Variants in CTNNA2 observed in about 807,000 individuals in gnomAD.
The protein encoded by CTNNA2 is catenin alpha 2.
In CTNNA2, 42 loss-of-function variants were observed where a neutral mutation model predicts 101.0. The ratio of observed to expected loss-of-function variants is 0.42; its 90% CI spans 0.32 to 0.54. CTNNA2 has a LOEUF of 0.54. CTNNA2 is among the 20% of genes least tolerant of loss of function. The pLI is 0.14. For synonymous variants in CTNNA2, 450 were observed against 456.4 expected (o/e 0.99, Z 0.18); for missense variants, 871 against 1,223.1 (o/e 0.71, Z 4.29).
intron 2 of CTNNA2, among the ~76,000 whole-genome samples, chr2:79,706,959 G>T (rs17017634): frequency 0.18 from 27,593 of 152,086 alleles, 2,942 homozygotes; most frequent in East Asian, 0.41. Context: ...CACAGAGCTT[G>T]TCAGTCAAAG....
In CTNNA2 at chr2:80,507,225, T is replaced by A. The variant is rs149866076; in HGVS notation, c.1291-37757T>A. 2.4e-3 allele frequency among the ~76,000 whole-genome samples: 363 copies of A among 152,282 alleles called. 2 individuals are homozygous for A. Among genetic ancestry groups the A allele is most frequent in the African/African-American group, 8.3e-3 (345 of 41,550 alleles). On this transcript the variant is annotated intron_variant, in intron 9 of 18. Transcript: ENST00000402739. ...TACGAATTAAATGTGGAAATACATG[T>A]AAAGTACTTAGCAAGCGACGGATGT...
intron 2 of CTNNA2, among the ~76,000 whole-genome samples, chr2:79,742,110 C>A (rs901079740): frequency 3.3e-5 from 5 of 152,154 alleles, no homozygotes; most frequent in South Asian, 4.1e-4. Flanking sequence ...TCTTCCCCCC[C>A]ACAAAACTGA....
intron 2 of CTNNA2, among the ~76,000 whole-genome samples, chr2:79,228,448 A>C (rs1674448881): frequency 6.6e-6 from 1 of 152,116 alleles, no homozygotes; most frequent in South Asian, 2.1e-4. Context: ...TGCCATTCTG[A>C]CTGGTGTAAG....
At chr2:79,745,124 A>G (rs1467236263) in intron 3 of CTNNA2, among the ~76,000 whole-genome samples, 1 of 152,154 alleles carries the variant, frequency 6.6e-6, no homozygotes, top group African/African-American at 2.4e-5. Context: ...TCTGTATAAA[A>G]TATACAACAT....
chr2:79,194,794 G>A (rs942095006), intron 1 of CTNNA2, among the ~76,000 whole-genome samples: 5 of 152,168 alleles, frequency 3.3e-5, no homozygotes, highest in African/African-American at 1.2e-4. Context: ...TCACAAAAAT[G>A]TCTAATTTAC....
intron 3 of CTNNA2, among the ~76,000 whole-genome samples, chr2:79,820,208 G>A (rs565214865): frequency 2.6e-4 from 39 of 152,138 alleles, no homozygotes; most frequent in African/African-American, 8.4e-4. Flanking sequence ...ATCAATGGCC[G>A]TTTTATTGTA....
rs80225771 is a variant in CTNNA2 at position 80,091,292 on chromosome 2, C to A, written c.1056+181495C>A. ...CATTACTATTCGACTTGTTTTCTAG[C>A]CTTCTTTGAAGGTTTAAGGGCCATT... On this transcript the variant is annotated intron_variant, in intron 7 of 18. Transcript: ENST00000402739. 3.2e-3 allele frequency among the ~76,000 whole-genome samples: 494 copies of A among 152,130 alleles called. 4 individuals are homozygous for A. The highest frequency in any genetic ancestry group is 0.011 in the African/African-American group (461 of 41,524).
chr2:80,601,960 T>C (rs1196091478), intron 15 of CTNNA2: 1 of 152,160 alleles, frequency 6.6e-6, no homozygotes. Context: ...TACTAAATTA[T>C]GATTCAGGAC....
chr2:80,529,438 A>C (rs1050676061), intron 9 of CTNNA2, among the ~76,000 whole-genome samples: 6 of 152,184 alleles, frequency 3.9e-5, no homozygotes, highest in Non-Finnish European at 8.8e-5. Flanking sequence ...TGAAAGTTAA[A>C]TTTTCTGTCT....
intron 3 of CTNNA2, among the ~76,000 whole-genome samples, chr2:79,815,179 T>C (rs1677388904): frequency 6.6e-6 from 1 of 152,194 alleles, no homozygotes; most frequent in Non-Finnish European, 1.5e-5. Context: ...TCGTTCTTTG[T>C]CAGATGTATA....
At chr2:79,570,487 A>C (rs1350683683) in intron 1 of CTNNA2, among the ~76,000 whole-genome samples, 5 of 152,178 alleles carry the variant, frequency 3.3e-5, no homozygotes. Flanking sequence ...AGATAAGGGA[A>C]TTAAGAATCT....
At chr2:80,557,755 T>C (rs1693171897) in intron 12 of CTNNA2, among the ~76,000 whole-genome samples, 1 of 152,212 alleles carries the variant, frequency 6.6e-6, no homozygotes, top group African/African-American at 2.4e-5. Flanking sequence ...TAGGTCAAAA[T>C]CTAAAGGCAA....
At chr2:80,081,100 TAA>T (rs201956999) in intron 7 of CTNNA2, among the ~76,000 whole-genome samples, 12 of 142,298 alleles carry the variant, frequency 8.4e-5, no homozygotes, top group Admixed American at 7.1e-5. Context: ...AAATGTTGGT[TAA>T]AAAAAAAAAA....
At chr2:79,827,687 G>A (rs1189401869) in intron 3 of CTNNA2, among the ~76,000 whole-genome samples, 1 of 152,170 alleles carries the variant, frequency 6.6e-6, no homozygotes, top group African/African-American at 2.4e-5. Context: ...AAAGGAATAT[G>A]TATCATTATA....
chr2:79,753,927 G>C (rs1369533849), intron 3 of CTNNA2, among the ~76,000 whole-genome samples: 2 of 147,480 alleles, frequency 1.4e-5, no homozygotes, highest in African/African-American at 2.5e-5. Context: ...GGAGTGCAGC[G>C]GCGTCATCTT....
At chr2:80,058,905 C>T (rs1019412924) in intron 7 of CTNNA2, among the ~76,000 whole-genome samples, 5 of 152,070 alleles carry the variant, frequency 3.3e-5, no homozygotes, top group African/African-American at 1.2e-4. Context: ...TGCGTGTCAG[C>T]CAAGTTTTCT....
At chr2:80,115,726 T>A (rs975379478) in intron 7 of CTNNA2, among the ~76,000 whole-genome samples, 2 of 152,132 alleles carry the variant, frequency 1.3e-5, no homozygotes, top group African/African-American at 4.8e-5. Context: ...GTGAACAGTA[T>A]GTGCAGAGCA....
chr2:80,620,904 T>C lies in CTNNA2; in HGVS notation c.2574+1676T>C, dbSNP rs539943620. 2.6e-5 allele frequency among the ~76,000 whole-genome samples: 4 copies of C among 152,104 alleles called. No homozygotes were observed. In the East Asian group the frequency reaches 5.8e-4, roughly 22 times the overall value. On this transcript the variant is annotated intron_variant, in intron 18 of 18. Coordinates refer to ENST00000402739, the MANE Select transcript of CTNNA2 (RefSeq NM_001282597.3). ...TGCGCTTGTGCAAATTCAGAGAGTC[T>C]ATCATGGAATGCATTGTGCATGCAC...
rs376960566 is a variant in CTNNA2, at chr2:79,719,974, A to G, written c.103-24413A>G. Among the ~76,000 whole-genome samples the G allele has an allele frequency of 1.4e-3, 216 of 152,286 alleles. 2 individuals are homozygous for G. Among genetic ancestry groups the G allele is most frequent in the African/African-American group, 5.1e-3 (213 of 41,564 alleles). Reference sequence around the variant, plus strand: ...AGCCAAAAATTCTTTGCCAAGGCCAATGTTGAGAAGGGTATTTCCTAGATT... The same window carrying G: ...AGCCAAAAATTCTTTGCCAAGGCCAGTGTTGAGAAGGGTATTTCCTAGATT... On this transcript the variant is annotated intron_variant, in intron 2 of 18. Coordinates refer to ENST00000402739, the MANE Select transcript of CTNNA2 (RefSeq NM_001282597.3).
Sources: allele counts gnomAD v4.1 joint callset (sites outside exome capture counted in the v4.1 genomes callset), GRCh38; gene constraint gnomAD v4.1.1; transcripts MANE v1.5; gene names NCBI Gene and HGNC (gene_info 2026-07-23, HGNC 2026-07-21).